Variants in DCLK2 observed in about 807,000 individuals in gnomAD.
The protein encoded by DCLK2 is doublecortin like kinase 2, also known as serine/threonine-protein kinase DCLK2.
In DCLK2, 31 loss-of-function variants were observed where a neutral mutation model predicts 78.4. The observed-to-expected ratio is 0.40, with a 90% CI of 0.30 to 0.53. The LOEUF is 0.53. Among genes scored for constraint, DCLK2 ranks in the 20% least tolerant of loss-of-function variants. The pLI is 0.61. For missense variants in DCLK2, 872 were observed against 973.7 expected (o/e 0.90, Z 1.39); for synonymous variants, 407 against 374.9 (o/e 1.09, Z -0.99).
At chr4:150,245,154 T>A (rs1743207584) in intron 12 of DCLK2, among the ~76,000 whole-genome samples, 1 of 152,256 alleles carries the variant, frequency 6.6e-6, no homozygotes. Context: ...AGCAGTAAGC[T>A]GAGTTCACTC....
chr4:150,118,621 A>G (rs557964466), intron 2 of DCLK2, among the ~76,000 whole-genome samples: 3 of 147,908 alleles, frequency 2.0e-5, no homozygotes, highest in Non-Finnish European at 3.1e-5. Context: ...AATGTAAACA[A>G]TTCAGAAATA....
At position 150,256,398 on chromosome 4, in the gene DCLK2, T is replaced by C; in HGVS notation, c.*151T>C. On this transcript the variant is annotated 3_prime_UTR_variant, in exon 16 of 16. Transcript: ENST00000296550. Reference sequence around the variant, plus strand: ...CGCAGGCCGCCTGGGAACCGGAGCCTGGCGTGCCGGAGCCTGGCCTGGTGC... The same window carrying C: ...CGCAGGCCGCCTGGGAACCGGAGCCCGGCGTGCCGGAGCCTGGCCTGGTGC... 9.1e-7 allele frequency: 1 copy of C among 1,102,130 alleles called. No individual in the cohort carries two copies. The highest frequency in any genetic ancestry group is 1.6e-5 in the African/African-American group (1 of 62,126). 68.3% of individuals were successfully genotyped at this position (1,102,130 alleles called of 1,614,324 possible). A position where few individuals can be genotyped will look rare whatever the true frequency, so the allele number is the denominator to read the frequency against.
chr4:150,132,426 G>A (rs1164234041), intron 2 of DCLK2, among the ~76,000 whole-genome samples: 3 of 152,206 alleles, frequency 2.0e-5, no homozygotes, highest in African/African-American at 7.2e-5. Flanking sequence ...TTTCATTTTA[G>A]AGAGCAAGCA....
Position 150,250,798 on chromosome 4 carries a change from C to A in DCLK2, c.2073+1114C>A, listed in dbSNP as rs1417416639. 4.0e-5 allele frequency among the ~76,000 whole-genome samples: 6 copies of A among 151,180 alleles called. No individual in the cohort carries two copies. The South Asian group carries it at 1.3e-3, about 32-fold the overall frequency. On this transcript the variant is annotated intron_variant, in intron 15 of 15. Transcript: ENST00000296550. ...GTACATGGTTGTCTGAGAGCCTTAC[C>A]TAGGAAGACGCAGGGTCTAGATAGA... is the stretch of plus-strand genomic sequence containing the variant.
In DCLK2 at chr4:150,220,820, G is replaced by A. The variant is rs201886805; in HGVS notation, c.1132+42G>A. The A allele has an allele frequency of 2.7e-5, 40 of 1,488,746 alleles. No homozygotes were observed. In the East Asian group the frequency reaches 8.4e-4, roughly 31 times the overall value. The allele number at this position is 1,488,746 out of a possible 1,614,324, so 92.2% of individuals were successfully genotyped here. On this transcript the variant is annotated intron_variant, in intron 6 of 15. Coordinates refer to ENST00000296550, the MANE Select transcript of DCLK2 (RefSeq NM_001040260.4). Reference sequence around the variant, plus strand: ...TCATTACTTTGATAAAGGAAATCATGCATGGGGACTTGGTGCTCACCTAAA... The same window carrying A: ...TCATTACTTTGATAAAGGAAATCATACATGGGGACTTGGTGCTCACCTAAA...
intron 1 of DCLK2, among the ~76,000 whole-genome samples, chr4:150,086,366 A>G (rs945875234): frequency 3.9e-5 from 6 of 152,124 alleles, no homozygotes; most frequent in Non-Finnish European, 7.4e-5. Context: ...TTGTGTTTCA[A>G]TTTTTTAATA....
At chr4:150,179,074 C>T (rs1737298747) in intron 2 of DCLK2, among the ~76,000 whole-genome samples, 1 of 152,146 alleles carries the variant, frequency 6.6e-6, no homozygotes. Context: ...GTTGCCCAGG[C>T]TGGAGTGCAG....
chr4:150,169,652 G>T (rs950694083), intron 2 of DCLK2, among the ~76,000 whole-genome samples: 1 of 130,000 alleles, frequency 7.7e-6, no homozygotes, highest in East Asian at 2.1e-4. Flanking sequence ...GTGAAACTCC[G>T]TCTCAAAAAA....
chr4:150,160,890 C>CT (rs1407623794), intron 2 of DCLK2, among the ~76,000 whole-genome samples: 1 of 152,184 alleles, frequency 6.6e-6, no homozygotes, highest in African/African-American at 2.4e-5. Context: ...TCCAGAGAGG[C>CT]TGTGACTTAA....
chr4:150,140,142 CAT>C (rs1310110164), intron 2 of DCLK2, among the ~76,000 whole-genome samples: 1 of 152,098 alleles, frequency 6.6e-6, no homozygotes, highest in Non-Finnish European at 1.5e-5. Context: ...CCATAGAAAA[CAT>C]AAACATAATA....
intron 7 of DCLK2, 117 bp downstream of exon 7, chr4:150,221,902 G>A (rs906967314): frequency 6.2e-5 from 38 of 608,328 alleles, no homozygotes; most frequent in African/African-American, 4.9e-4. Flanking sequence ...AGGCCCTTCT[G>A]GAAAGTCTCT....
chr4:150,192,671 T>G (rs1044043894), intron 2 of DCLK2, among the ~76,000 whole-genome samples: 6 of 152,174 alleles, frequency 3.9e-5, no homozygotes, highest in Middle Eastern at 3.4e-3. Flanking sequence ...CCAAGCAGTT[T>G]TTATATATTA....
chr4:150,175,308 G>T (rs575872140), intron 2 of DCLK2: 1 of 148,482 alleles, frequency 6.7e-6, no homozygotes, highest in South Asian at 2.1e-4. Context: ...AACCAAGGAC[G>T]GTTACCTGTG....
At chr4:150,181,382 A>G (rs1392366114) in intron 2 of DCLK2, among the ~76,000 whole-genome samples, 2 of 152,082 alleles carry the variant, frequency 1.3e-5, no homozygotes, top group African/African-American at 2.4e-5. Context: ...GTAGGGGGCA[A>G]TCAGAGGACT....
At chr4:150,199,002 A>G (rs960747934) in intron 4 of DCLK2, 1 of 1,538,880 alleles carries the variant, frequency 6.5e-7, no homozygotes, top group Non-Finnish European at 8.7e-7. Context: ...ACTGTCTTCT[A>G]CTCTGTGTAT....
intron 2 of DCLK2, among the ~76,000 whole-genome samples, chr4:150,186,955 G>A (rs1310181048): frequency 6.6e-6 from 1 of 151,476 alleles, no homozygotes; most frequent in African/African-American, 2.4e-5. Flanking sequence ...TGAAATTTAA[G>A]CATGGGCAAA....
chr4:150,153,382 C>A lies in DCLK2; in HGVS notation c.757-39756C>A, dbSNP rs575672734. Among the ~76,000 whole-genome samples, 9 of 152,038 alleles carry A rather than the reference C, an allele frequency of 5.9e-5. No individual in the cohort carries two copies. In the South Asian group the frequency reaches 1.9e-3, roughly 32 times the overall value. ...GCTCCAGGCCTGCCAGCCTTGATCC[C>A]TATTTGTGCACTGTCCTCTACTTGA... On this transcript the variant is annotated intron_variant, in intron 2 of 15. Coordinates refer to ENST00000296550, the MANE Select transcript of DCLK2 (RefSeq NM_001040260.4).
intron 2 of DCLK2, among the ~76,000 whole-genome samples, chr4:150,167,916 A>G (rs1285702436): frequency 6.6e-6 from 1 of 152,146 alleles, no homozygotes; most frequent in Non-Finnish European, 1.5e-5. Flanking sequence ...GCATGCGTAC[A>G]ACTCCAGTAA....
At chr4:150,188,448 A>G (rs190403892) in intron 2 of DCLK2, among the ~76,000 whole-genome samples, 23 of 152,312 alleles carry the variant, frequency 1.5e-4, no homozygotes, top group Middle Eastern at 3.4e-3. Flanking sequence ...AGCCAAGGCA[A>G]CAGAAAGAGA....
Sources: allele counts gnomAD v4.1 joint callset (sites outside exome capture counted in the v4.1 genomes callset), GRCh38; gene constraint gnomAD v4.1.1; transcripts MANE v1.5; gene names NCBI Gene and HGNC (gene_info 2026-07-23, HGNC 2026-07-21).